The following CDH8 variants were observed in gnomAD, a reference collection of about 807,000 sequenced individuals.
CDH8 encodes cadherin-8.
CDH8 carries 17 observed loss-of-function variants against 68.1 expected under a neutral mutation model. That is an observed-to-expected ratio of 0.25 (90% CI 0.17 to 0.37). The LOEUF (loss-of-function observed/expected upper bound fraction) is 0.37, where lower values mean the gene tolerates loss of function less well. CDH8 is among the 10% of genes least tolerant of loss of function. The pLI is 1.00. For missense variants in CDH8, 763 were observed against 999.3 expected (o/e 0.76, Z 3.19); for synonymous variants, 372 against 365.1 (o/e 1.02, Z -0.21).
chr16:61,918,167 A>G (rs967034017), intron 2 of CDH8: 1 of 152,166 alleles, frequency 6.6e-6, no homozygotes, highest in Admixed American at 6.5e-5. Flanking sequence ...TGCAGTAAAA[A>G]ATATTTTTAT....
intron 10 of CDH8, chr16:61,692,998 A>C (rs1964261011): frequency 6.6e-6 from 1 of 152,194 alleles, no homozygotes; most frequent in Non-Finnish European, 1.5e-5. Context: ...AAAAACACAC[A>C]AAATAAATTT....
intron 10 of CDH8, among the ~76,000 whole-genome samples, chr16:61,709,636 T>C (rs1348758691): frequency 6.6e-6 from 1 of 152,026 alleles, no homozygotes; most frequent in Non-Finnish European, 1.5e-5. Flanking sequence ...TTTAGAACAA[T>C]TTTATATGCT....
chr16:61,791,848 A>G (rs927602278), intron 7 of CDH8, among the ~76,000 whole-genome samples: 9 of 152,062 alleles, frequency 5.9e-5, no homozygotes, highest in African/African-American at 1.9e-4. Context: ...TTATATCTCT[A>G]TTACTTATGT....
At chr16:61,716,543 G>A (rs918806478) in intron 9 of CDH8, among the ~76,000 whole-genome samples, 1 of 151,696 alleles carries the variant, frequency 6.6e-6, no homozygotes, top group African/African-American at 2.4e-5. Context: ...TAATTCTGGT[G>A]TACACACAAG....
Position 61,647,572 on chromosome 16 carries a change from G to C in CDH8, c.*6036C>G, listed in dbSNP as rs2142724436. 1 of 505,808 alleles carries C rather than the reference G, an allele frequency of 2.0e-6. No individual in the cohort carries two copies. Among genetic ancestry groups the C allele is most frequent in the East Asian group, 3.4e-5 (1 of 29,650 alleles). 31.3% of individuals were successfully genotyped at this position (505,808 alleles called of 1,614,324 possible). A position where few individuals can be genotyped will look rare whatever the true frequency, so the allele number is the denominator to read the frequency against. ...GTGAGGGATCATAGGATGGCCTGAA[G>C]TTCTTTGCATGTACAGAAGAAATCC... is the stretch of plus-strand genomic sequence containing the variant. On this transcript the variant is annotated 3_prime_UTR_variant, in exon 12 of 12. Transcript: ENST00000577390.
At chr16:61,756,800 A>G (rs1378608943) in intron 8 of CDH8, among the ~76,000 whole-genome samples, 1 of 152,192 alleles carries the variant, frequency 6.6e-6, no homozygotes, top group Admixed American at 6.6e-5. Flanking sequence ...CCCATTGAAT[A>G]AGAATCTCTA....
intron 2 of CDH8, among the ~76,000 whole-genome samples, chr16:61,941,982 G>A (rs1597079981): frequency 6.6e-6 from 1 of 152,084 alleles, no homozygotes; most frequent in East Asian, 1.9e-4. Flanking sequence ...TACCCAATAA[G>A]TTCTCCTGAC....
At chr16:61,696,690 T>C (rs1209535613) in intron 10 of CDH8, among the ~76,000 whole-genome samples, 10 of 152,150 alleles carry the variant, frequency 6.6e-5, no homozygotes, top group African/African-American at 2.4e-4. Flanking sequence ...TGGAATCAAC[T>C]TAGATGGCCA....
intron 2 of CDH8, among the ~76,000 whole-genome samples, chr16:61,946,365 T>G (rs1964801413): frequency 6.6e-6 from 1 of 152,174 alleles, no homozygotes; most frequent in Non-Finnish European, 1.5e-5. Context: ...CAAGAAACAG[T>G]GGAACTCACA....
At chr16:61,728,863 A>G (rs1032318689) in intron 8 of CDH8, among the ~76,000 whole-genome samples, 14 of 148,224 alleles carry the variant, frequency 9.4e-5, no homozygotes, top group Admixed American at 2.7e-4. Flanking sequence ...TTTAAACTCA[A>G]TTTTTTTCCT....
chr16:61,685,183 GA>G (rs11357299), intron 10 of CDH8, among the ~76,000 whole-genome samples: 8,432 of 115,776 alleles, frequency 0.073, 775 homozygotes, highest in African/African-American at 0.23. Context: ...GGTCCTGTCT[GA>G]AAAAAAAAAA....
chr16:61,863,125 T>C (rs1379968785), intron 3 of CDH8, among the ~76,000 whole-genome samples: 1 of 152,210 alleles, frequency 6.6e-6, no homozygotes. Flanking sequence ...AAGCCGAGTA[T>C]GAACACATCA....
chr16:61,857,090 A>C lies in CDH8; in HGVS notation c.667+29T>G, dbSNP rs767665538. ...CATTTCCCTGAAGCAAAAACATGGC[A>C]AATATAATTCGAAATTTAGGCCACA... On this transcript the variant is annotated intron_variant, in intron 4 of 11. Coordinates refer to ENST00000577390, the MANE Select transcript of CDH8 (RefSeq NM_001796.5). 5.0e-5 allele frequency: 81 copies of C among 1,612,188 alleles called. 1 individual carries two copies. Among genetic ancestry groups the C allele is most frequent in the Non-Finnish European group, 8.5e-7 (1 of 1,178,740 alleles).
chr16:61,828,826 C>G (rs1208309550), intron 4 of CDH8, among the ~76,000 whole-genome samples: 3 of 151,888 alleles, frequency 2.0e-5, no homozygotes, highest in Non-Finnish European at 2.9e-5. Context: ...TCCATATCCT[C>G]TCAATCAGAG....
intron 10 of CDH8, among the ~76,000 whole-genome samples, 200 bp downstream of exon 10, chr16:61,713,641 T>C (rs903920195): frequency 1.3e-5 from 2 of 151,676 alleles, no homozygotes; most frequent in African/African-American, 4.8e-5. Context: ...ACTTTTTACA[T>C]TAACAAAGTT....
At chr16:61,995,269 T>C (rs1965789585) in intron 2 of CDH8, among the ~76,000 whole-genome samples, 1 of 152,136 alleles carries the variant, frequency 6.6e-6, no homozygotes, top group Non-Finnish European at 1.5e-5. Context: ...ACAAAACAAA[T>C]TGTTTAGAGG....
intron 3 of CDH8, among the ~76,000 whole-genome samples, chr16:61,866,119 G>A (rs1726386202): frequency 6.6e-6 from 1 of 151,616 alleles, no homozygotes; most frequent in Non-Finnish European, 1.5e-5. Context: ...AGCTACTTGG[G>A]AGGCTGAGGT....
intron 3 of CDH8, among the ~76,000 whole-genome samples, chr16:61,865,368 CAATT>C (rs1179100572): frequency 6.6e-6 from 1 of 152,178 alleles, no homozygotes; most frequent in African/African-American, 2.4e-5. Flanking sequence ...CTTTCTGAAA[CAATT>C]AAACACTTTA....
chr16:61,741,964 A>G (rs1481131159), intron 8 of CDH8, among the ~76,000 whole-genome samples: 1 of 152,144 alleles, frequency 6.6e-6, no homozygotes, highest in Middle Eastern at 3.2e-3. Flanking sequence ...TAGAGAATTG[A>G]CATTTTACAT....
Sources: allele counts gnomAD v4.1 joint callset (sites outside exome capture counted in the v4.1 genomes callset), GRCh38; gene constraint gnomAD v4.1.1; transcripts MANE v1.5; gene names NCBI Gene and HGNC (gene_info 2026-07-23, HGNC 2026-07-21).